Variants in CRYBG3 observed in about 807,000 individuals in gnomAD.
CRYBG3 encodes the protein very large A-kinase anchor protein.
A neutral mutation model predicts 244.2 loss-of-function variants in CRYBG3; 127 were observed. That is an observed-to-expected ratio of 0.52 (90% CI 0.45 to 0.60). The LOEUF (loss-of-function observed/expected upper bound fraction) is 0.60, where lower values mean the gene tolerates loss of function less well. CRYBG3 is among the 20% of genes least tolerant of loss of function. CRYBG3 has a pLI of 0.00. For synonymous variants in CRYBG3, 1,132 were observed against 1,195.8 expected (o/e 0.95, Z 1.10); for missense variants, 3,325 against 3,442.5 (o/e 0.97, Z 0.85).
rs1559726473 is a variant in CRYBG3 at position 97,871,881 on chromosome 3, T to C, written c.687T>C (p.Tyr229=). ...DGKPEKPSVT[Y]ATYRGPRHIG... is the part of the protein sequence containing the mutation. ...AACCAGAGAAGCCTTCAGTAACATATGCAACATATCGAGGCCCAAGACACA... is the reference window on the plus strand; with the variant it reads ...AACCAGAGAAGCCTTCAGTAACATACGCAACATATCGAGGCCCAAGACACA... Residue 229 remains tyrosine (Y), a synonymous_variant, in exon 4 of 22, where the codon TAT becomes TAC. Coordinates refer to ENST00000389622, the MANE Select transcript of CRYBG3 (RefSeq NM_153605.4). 6.5e-7 allele frequency: 1 copy of C among 1,526,784 alleles called. No homozygotes were observed. The highest frequency in any genetic ancestry group is 8.7e-7 in the Non-Finnish European group (1 of 1,144,150). 94.6% of individuals were successfully genotyped at this position (1,526,784 alleles called of 1,614,324 possible).
rs76651591 is a variant in CRYBG3 at position 97,828,430 on chromosome 3, C to T, written c.149+6075C>T. ...TTCAATTGTGGACTAACTGATAAAT[C>T]ACAGTACATCCATATAGTGAAATAT... On this transcript the variant is annotated intron_variant, in intron 1 of 21. Transcript: ENST00000389622. Among the ~76,000 whole-genome samples, 4 of 151,336 alleles carry T rather than the reference C, an allele frequency of 2.6e-5. No individual in the cohort carries two copies. The East Asian group carries it at 5.8e-4, about 22-fold the overall frequency.
chr3:97,937,541 G>A (rs2107104960), intron 19 of CRYBG3, among the ~76,000 whole-genome samples: 1 of 152,070 alleles, frequency 6.6e-6, no homozygotes, highest in South Asian at 2.1e-4. Flanking sequence ...TAAGTGTCAG[G>A]TCCTCAAGAA....
chr3:97,833,087 A>T (rs2038676979), intron 1 of CRYBG3, among the ~76,000 whole-genome samples: 1 of 152,310 alleles, frequency 6.6e-6, no homozygotes, highest in Middle Eastern at 3.4e-3. Context: ...GGATGTGGAG[A>T]AATAGGAATG....
intron 17 of CRYBG3, among the ~76,000 whole-genome samples, chr3:97,923,192 G>A (rs902903394): frequency 5.9e-5 from 9 of 152,106 alleles, no homozygotes; most frequent in Non-Finnish European, 1.2e-4. Context: ...CTGTCATGGG[G>A]TTGGGGGAGT....
rs1295894535 is a variant in CRYBG3, at chr3:97,839,649, AT to A, written c.150-3535del. 7.4e-3 allele frequency among the ~76,000 whole-genome samples: 1,096 copies of A among 148,232 alleles called. 10 individuals are homozygous for A. Among genetic ancestry groups the A allele is most frequent in the African/African-American group, 0.025 (998 of 40,668 alleles). ...GGCGCAAATGGAAATATGGTTATAG[AT>A]TTTTTTTTTTCTTTTGAGACAGGGT... On this transcript the variant is annotated intron_variant, in intron 1 of 21. Transcript: ENST00000389622.
intron 2 of CRYBG3, among the ~76,000 whole-genome samples, chr3:97,843,729 T>C (rs971421549): frequency 7.2e-5 from 11 of 152,214 alleles, no homozygotes; most frequent in Non-Finnish European, 1.5e-4. Flanking sequence ...ATGTCGTTCT[T>C]GGCTTCTCTA....
At chr3:97,928,182 A>T (rs1360128750) in intron 17 of CRYBG3, among the ~76,000 whole-genome samples, 3 of 152,050 alleles carry the variant, frequency 2.0e-5, no homozygotes, top group African/African-American at 2.4e-5. Flanking sequence ...GGATAAAGAA[A>T]ATGTGGTACA....
At chr3:97,938,871 GCA>G (rs2040195216) in intron 19 of CRYBG3, among the ~76,000 whole-genome samples, 1 of 151,868 alleles carries the variant, frequency 6.6e-6, no homozygotes, top group South Asian at 2.1e-4. Context: ...GGCTTTCCTG[GCA>G]CAGAGTGTGT....
intron 20 of CRYBG3, 27 bp from the exon 21 acceptor site, chr3:97,942,257 C>G: frequency 6.4e-7 from 1 of 1,571,312 alleles, no homozygotes; most frequent in Non-Finnish European, 8.7e-7. Flanking sequence ...ATACTACTGC[C>G]AATTAATCAT....
intron 2 of CRYBG3, among the ~76,000 whole-genome samples, chr3:97,851,572 A>G (rs928679086): frequency 6.6e-6 from 1 of 152,250 alleles, no homozygotes; most frequent in African/African-American, 2.4e-5. Context: ...CAGTGGAAAT[A>G]GCATTCTGCA....
Position 97,881,597 on chromosome 3 carries a change from T to C in CRYBG3, c.7152+378T>C, listed in dbSNP as rs111636665. On this transcript the variant is annotated intron_variant, in intron 7 of 21. Coordinates refer to ENST00000389622, the MANE Select transcript of CRYBG3 (RefSeq NM_153605.4). ...CGGGCGTGGTGGTGCAAGTCTGTAA[T>C]CCCAGCTACTCTGGAGGCTGAGGCA... Among the ~76,000 whole-genome samples, 9 of 151,810 alleles carry C rather than the reference T, an allele frequency of 5.9e-5. 1 individual carries two copies. Among genetic ancestry groups the C allele is most frequent in the African/African-American group, 2.2e-4 (9 of 41,382 alleles).
chr3:97,877,676 G>T lies in CRYBG3; in HGVS notation c.6482G>T (p.Gly2161Val). The T allele has an allele frequency of 1.2e-6, 2 of 1,614,078 alleles. No individual in the cohort carries two copies. The highest frequency in any genetic ancestry group is 1.7e-6 in the Non-Finnish European group (2 of 1,179,994). The stretch of plus-strand genomic sequence containing the variant: ...GAGGAGGCAGCAGTATTGCATAAAG[G>T]AGATCTGAGAGCTGGAAGTGGGGAG... Reference protein sequence around the residue: ...EEEEAAVLHKGDLRAGSGERV... With the variant: ...EEEEAAVLHKVDLRAGSGERV... Residue 2161 changes from glycine to valine, a missense_variant, in exon 4 of 22, where the codon GGA becomes GTA. Transcript: ENST00000389622.
At chr3:97,910,602 T>C (rs1030637341) in intron 15 of CRYBG3, among the ~76,000 whole-genome samples, 9 of 152,192 alleles carry the variant, frequency 5.9e-5, no homozygotes, top group Non-Finnish European at 1.0e-4. Flanking sequence ...TCTCCCTGCT[T>C]CGGTTCGCGC....
chr3:97,938,353 T>C (rs2040187211), intron 19 of CRYBG3, among the ~76,000 whole-genome samples: 1 of 152,032 alleles, frequency 6.6e-6, no homozygotes, highest in Admixed American at 6.6e-5. Flanking sequence ...TCCATCAGCC[T>C]AAGATCAGCA....
intron 3 of CRYBG3, among the ~76,000 whole-genome samples, chr3:97,865,616 A>G (rs1232397601): frequency 3.6e-4 from 55 of 152,290 alleles, no homozygotes; most frequent in Non-Finnish European, 2.4e-4. Flanking sequence ...GTGGTATTTG[A>G]AACAGTGTCA....
Position 97,941,267 on chromosome 3 carries a change from T to A in CRYBG3, c.8625T>A (p.Thr2875=). 6.2e-7 allele frequency: 1 copy of A among 1,610,746 alleles called. No homozygotes were observed. The highest frequency in any genetic ancestry group is 1.3e-5 in the African/African-American group (1 of 74,824). Residue 2875 remains threonine (T), a synonymous_variant, in exon 20 of 22, where the codon ACT becomes ACA. Transcript: ENST00000389622. ...TTTCTCCCTATAGTGGAAAGAATAC[T>A]CAGATCTGGTACTACTGCCGAGGAC... ...VCISPYSGKN[T]QIWYYCRGLF...
intron 1 of CRYBG3, among the ~76,000 whole-genome samples, chr3:97,832,089 C>T (rs549197028): frequency 3.3e-5 from 5 of 152,062 alleles, no homozygotes; most frequent in East Asian, 1.9e-4. Flanking sequence ...ATTGCTTGCT[C>T]GTTGATAGGA....
Position 97,899,114 on chromosome 3 carries a change from G to GT in CRYBG3, c.7845-17dup, listed in dbSNP as rs780601102. 1.3e-5 allele frequency: 21 copies of GT among 1,595,664 alleles called. No individual in the cohort carries two copies. The African/African-American group carries it at 1.8e-4, about 13-fold the overall frequency. On this transcript the variant is annotated intron_variant, in intron 13 of 21. Coordinates refer to ENST00000389622, the MANE Select transcript of CRYBG3 (RefSeq NM_153605.4). ...GTATATCACTTGTTTTTATTTTTTT[G>GT]TTTTTTCTTTTTTCCCTACTAGATG...
chr3:97,879,312 A>G (rs1055450229), intron 4 of CRYBG3, among the ~76,000 whole-genome samples: 1 of 152,112 alleles, frequency 6.6e-6, no homozygotes, highest in Non-Finnish European at 1.5e-5. Flanking sequence ...TCACTGAAAT[A>G]TTGTTTTTCA....
Sources: allele counts gnomAD v4.1 joint callset (sites outside exome capture counted in the v4.1 genomes callset), GRCh38; gene constraint gnomAD v4.1.1; transcripts MANE v1.5; gene names NCBI Gene and HGNC (gene_info 2026-07-23, HGNC 2026-07-21).